NDUFAF2: variants seen among roughly 807,000 people sequenced by gnomAD.
The protein encoded by NDUFAF2 is NADH dehydrogenase [ubiquinone] 1 alpha subcomplex assembly factor 2.
Under a neutral mutation model 22.8 loss-of-function variants are expected in NDUFAF2, and 13 were observed. The observed-to-expected ratio is 0.57, with a 90% CI of 0.37 to 0.91. The LOEUF is 0.91. Ranked by LOEUF, NDUFAF2 falls within the 40% of genes least tolerant of loss-of-function variation. The probability of loss-of-function intolerance (pLI) is 0.01; values close to 1 mark genes in which losing one functional copy is unlikely to be tolerated. For synonymous variants in NDUFAF2, 53 were observed against 64.2 expected (o/e 0.83, Z 0.84); for missense variants, 162 against 195.2 (o/e 0.83, Z 1.01).
intron 1 of NDUFAF2, among the ~76,000 whole-genome samples, chr5:61,060,350 A>G (rs1272803596): frequency 1.3e-5 from 2 of 152,198 alleles, no homozygotes; most frequent in African/African-American, 4.8e-5. Context: ...TTGAAAGCCC[A>G]CAAACCTAAT....
chr5:61,086,878 C>T (rs571254628), intron 2 of NDUFAF2, among the ~76,000 whole-genome samples: 2 of 152,170 alleles, frequency 1.3e-5, no homozygotes, highest in East Asian at 1.9e-4. Context: ...TGTCTAACAT[C>T]GAACTTATAT....
chr5:61,022,845 A>G (rs954920994), intron 1 of NDUFAF2, among the ~76,000 whole-genome samples: 1 of 152,164 alleles, frequency 6.6e-6, no homozygotes, highest in African/African-American at 2.4e-5. Flanking sequence ...GAGTTTTGCC[A>G]TGTTGGCCAG....
chr5:61,129,019 T>C lies in NDUFAF2; in HGVS notation c.259-23685T>C, dbSNP rs192454484. Among the ~76,000 whole-genome samples, 949 of 152,324 alleles carry C rather than the reference T, an allele frequency of 6.2e-3. 12 individuals carry two copies. Among genetic ancestry groups the C allele is most frequent in the South Asian group, 0.028 (135 of 4,824 alleles). On this transcript the variant is annotated intron_variant, in intron 3 of 3. Transcript: ENST00000296597. ...CAGACACTTCTCAAAAGAAGACATT[T>C]ATGCAGCCAACAGACACATGAAAAA...
chr5:60,950,292 T>C (rs1750526841), intron 1 of NDUFAF2, among the ~76,000 whole-genome samples: 1 of 152,128 alleles, frequency 6.6e-6, no homozygotes, highest in South Asian at 2.1e-4. Context: ...TTTCAAGCGA[T>C]TTTTCTGCCT....
intron 3 of NDUFAF2, among the ~76,000 whole-genome samples, chr5:61,148,254 G>T (rs575884636): frequency 3.9e-5 from 6 of 152,110 alleles, no homozygotes; most frequent in Non-Finnish European, 8.8e-5. Flanking sequence ...ATGATATAGG[G>T]TTTATCTAAT....
intron 3 of NDUFAF2, among the ~76,000 whole-genome samples, chr5:61,136,260 T>C (rs574715070): frequency 4.6e-5 from 7 of 151,702 alleles, no homozygotes; most frequent in Admixed American, 4.6e-4. Flanking sequence ...TCAAAAGGAG[T>C]AGGGGAAATT....
chr5:61,121,526 G>C (rs1225900674), intron 3 of NDUFAF2, among the ~76,000 whole-genome samples: 2 of 152,134 alleles, frequency 1.3e-5, no homozygotes, highest in Non-Finnish European at 2.9e-5. Flanking sequence ...TTGCACATAT[G>C]TTTTGTTTGT....
At chr5:60,990,615 T>G (rs1751145612) in intron 1 of NDUFAF2, among the ~76,000 whole-genome samples, 1 of 152,160 alleles carries the variant, frequency 6.6e-6, no homozygotes, top group South Asian at 2.1e-4. Context: ...TCTTTAATGT[T>G]TTCACATGAG....
intron 3 of NDUFAF2, among the ~76,000 whole-genome samples, chr5:61,136,003 C>CCATATATATATATATATATATATA (rs1740923936): frequency 1.7e-5 from 1 of 57,658 alleles, no homozygotes; most frequent in African/African-American, 1.1e-4. Context: ...CTAAGCCTGT[C>CCATATATATATATATATATATATA]TTTATATATA....
chr5:61,100,393 T>G (rs892088068), intron 3 of NDUFAF2, among the ~76,000 whole-genome samples: 1 of 152,068 alleles, frequency 6.6e-6, no homozygotes, highest in Admixed American at 6.6e-5. Context: ...TCAAACAATC[T>G]CTAGCCAGAA....
intron 3 of NDUFAF2, among the ~76,000 whole-genome samples, chr5:61,100,954 G>C (rs1275686252): frequency 2.6e-5 from 4 of 152,024 alleles, no homozygotes; most frequent in Non-Finnish European, 5.9e-5. Flanking sequence ...TCCTTTCAAT[G>C]CTTTCCCAAA....
intron 3 of NDUFAF2, among the ~76,000 whole-genome samples, chr5:61,132,705 G>C (rs1753127479): frequency 1.3e-5 from 2 of 152,074 alleles, no homozygotes; most frequent in Admixed American, 1.3e-4. Context: ...GGTTTCATCA[G>C]CTGCTGCTCT....
At chr5:61,112,210 T>TCC (rs747064269) in intron 3 of NDUFAF2, among the ~76,000 whole-genome samples, 12 of 134,064 alleles carry the variant, frequency 9.0e-5, no homozygotes, top group African/African-American at 3.0e-4. Context: ...ACCTTCTTTA[T>TCC]CCCCCCCCCT....
chr5:61,015,995 G>A (rs1342682450), intron 1 of NDUFAF2, among the ~76,000 whole-genome samples: 2 of 152,064 alleles, frequency 1.3e-5, no homozygotes, highest in African/African-American at 4.8e-5. Flanking sequence ...AGACCATCCT[G>A]GCCAACATGG....
chr5:61,128,339 A>C (rs1753064130), intron 3 of NDUFAF2, among the ~76,000 whole-genome samples: 3 of 152,188 alleles, frequency 2.0e-5, no homozygotes, highest in African/African-American at 7.2e-5. Context: ...CCACATTATG[A>C]AGTCAATCCT....
chr5:61,016,317 GTA>G (rs1751510825), intron 1 of NDUFAF2, among the ~76,000 whole-genome samples: 2 of 152,244 alleles, frequency 1.3e-5, no homozygotes, highest in African/African-American at 4.8e-5. Flanking sequence ...GAAGGGAGTG[GTA>G]TGTTATATAA....
rs574204694 is a variant in NDUFAF2 at position 61,086,137 on chromosome 5, A to G, written c.218-12855A>G. The stretch of plus-strand genomic sequence containing the variant: ...CTATCTCTTAAAAAAAAAGAAAGGA[A>G]GAAAAGAAAAATATGAAATATTGCT... On this transcript the variant is annotated intron_variant, in intron 2 of 3. Coordinates refer to ENST00000296597, the MANE Select transcript of NDUFAF2 (RefSeq NM_174889.5). Among the ~76,000 whole-genome samples the G allele has an allele frequency of 2.6e-5, 4 of 152,256 alleles. No individual in the cohort carries two copies. The South Asian group carries it at 8.3e-4, about 32-fold the overall frequency.
intron 1 of NDUFAF2, among the ~76,000 whole-genome samples, chr5:61,002,351 A>G (rs1036898414): frequency 6.6e-6 from 1 of 152,144 alleles, no homozygotes; most frequent in African/African-American, 2.4e-5. Flanking sequence ...TAGGATCTTA[A>G]GTAGTCATAT....
chr5:60,950,212 A>T (rs564407198), intron 1 of NDUFAF2, among the ~76,000 whole-genome samples: 13 of 152,034 alleles, frequency 8.6e-5, no homozygotes, highest in African/African-American at 3.1e-4. Context: ...CAAAGGTGGA[A>T]TTTCGCTCTC....
Sources: gnomAD v4.1 joint callset for allele counts (sites outside exome capture counted in the v4.1 genomes callset) on GRCh38, gnomAD v4.1.1 for gene constraint, MANE v1.5 for transcripts, NCBI Gene and HGNC (gene_info 2026-07-23, HGNC 2026-07-21) for gene names.